ARID4B: variants seen among roughly 807,000 people sequenced by gnomAD.
ARID4B encodes AT-rich interactive domain-containing protein 4B.
In ARID4B, 26 loss-of-function variants were observed where a neutral mutation model predicts 147.5. The ratio of observed to expected loss-of-function variants is 0.18; its 90% CI spans 0.13 to 0.24. The LOEUF (loss-of-function observed/expected upper bound fraction) is 0.24. Ranked by LOEUF, ARID4B falls within the 10% of genes least tolerant of loss-of-function variation. The probability of loss-of-function intolerance (pLI) is 1.00; values close to 1 mark genes in which losing one functional copy is unlikely to be tolerated. For synonymous variants in ARID4B, 512 were observed against 507.9 expected (o/e 1.01, Z -0.11); for missense variants, 1,179 against 1,511.5 (o/e 0.78, Z 3.65).
At chr1:235,262,530 G>A (rs1265083317) in intron 2 of ARID4B, among the ~76,000 whole-genome samples, 1 of 152,020 alleles carries the variant, frequency 6.6e-6, no homozygotes, top group Admixed American at 6.5e-5. Flanking sequence ...TGTACCTAGT[G>A]AATAAATGCA....
intron 2 of ARID4B, 28 bp downstream of exon 2, chr1:235,326,886 G>C (rs1675311049): frequency 6.2e-7 from 1 of 1,613,674 alleles, no homozygotes; most frequent in Non-Finnish European, 8.5e-7. Context: ...GATAACCCCA[G>C]AGATTCGTTT....
At chr1:235,327,355 G>T (rs1006775060) in intron 1 of ARID4B, 2 of 152,970 alleles carry the variant, frequency 1.3e-5, no homozygotes, top group African/African-American at 4.8e-5. Context: ...GCGAGAGGCC[G>T]GCCGGGGGCC....
rs199731702 is a variant in ARID4B, at chr1:235,310,154, A to G, written c.6+16760T>C. On this transcript the variant is annotated intron_variant, in intron 2 of 23. Transcript: ENST00000264183. ...ACCCTGCCAAATCCCCCTCTGTGAGAAACACCCAAGAATGATCAATAAAAA... is the reference window on the plus strand; with the variant it reads ...ACCCTGCCAAATCCCCCTCTGTGAGGAACACCCAAGAATGATCAATAAAAA... Among the ~76,000 whole-genome samples the G allele has an allele frequency of 1.8e-4, 28 of 152,166 alleles. No individual in the cohort carries two copies. The East Asian group carries it at 5.0e-3, about 27-fold the overall frequency.
At chr1:235,233,606 A>G (rs529327255) in intron 9 of ARID4B, among the ~76,000 whole-genome samples, 135 of 152,342 alleles carry the variant, frequency 8.9e-4, no homozygotes, top group African/African-American at 2.9e-3. Context: ...AAGAAAAATT[A>G]ACAAATCATT....
At chr1:235,170,504 C>A (rs1663261436) in intron 23 of ARID4B, among the ~76,000 whole-genome samples, 1 of 151,806 alleles carries the variant, frequency 6.6e-6, no homozygotes, top group African/African-American at 2.4e-5. Context: ...TTTGGGAGGA[C>A]TAGGTGGGCG....
chr1:235,237,385 A>G (rs1668675840), intron 8 of ARID4B, among the ~76,000 whole-genome samples: 1 of 152,210 alleles, frequency 6.6e-6, no homozygotes, highest in Admixed American at 6.5e-5. Context: ...CCTTGTACAT[A>G]TAGGTATCCA....
chr1:235,279,570 T>G (rs565977588), intron 2 of ARID4B, among the ~76,000 whole-genome samples: 9 of 152,214 alleles, frequency 5.9e-5, no homozygotes, highest in Non-Finnish European at 1.3e-4. Flanking sequence ...AAAGAATTAG[T>G]AAATAAAAAG....
chr1:235,313,193 C>A (rs566670289), intron 2 of ARID4B, among the ~76,000 whole-genome samples: 140 of 152,138 alleles, frequency 9.2e-4, no homozygotes, highest in African/African-American at 3.0e-3. Context: ...CCATGCCTGG[C>A]TAATTTTTAT....
chr1:235,321,965 C>T (rs910423035), intron 2 of ARID4B, among the ~76,000 whole-genome samples: 11 of 152,138 alleles, frequency 7.2e-5, no homozygotes, highest in African/African-American at 2.7e-4. Flanking sequence ...CTCACCGCAA[C>T]CTCCAGCTCC....
At chr1:235,222,479 C>G (rs910259122) in intron 13 of ARID4B, among the ~76,000 whole-genome samples, 1 of 151,812 alleles carries the variant, frequency 6.6e-6, no homozygotes, top group Non-Finnish European at 1.5e-5. Context: ...TGCTTTAATC[C>G]CTTTATATTC....
chr1:235,308,598 C>G (rs1373796522), intron 2 of ARID4B, among the ~76,000 whole-genome samples: 1 of 152,132 alleles, frequency 6.6e-6, no homozygotes, highest in African/African-American at 2.4e-5. Context: ...CCTCAGCCTG[C>G]CGAGTGCCCG....
chr1:235,196,893 C>CAT (rs1380365796), intron 17 of ARID4B, among the ~76,000 whole-genome samples: 2 of 146,548 alleles, frequency 1.4e-5, no homozygotes, highest in Non-Finnish European at 3.0e-5. Context: ...AGAAAAGCAC[C>CAT]ATATTGTAAC....
rs777093040 is a variant in ARID4B, at chr1:235,240,374, T to C, written c.524A>G (p.Lys175Arg). ...DRKQIDELLG[K>R]VVCVDYISLD... ...ACTAATGTAATCTACACATACAACT[T>C]TGCCTAGTAGCTCATCAATCTGTTT... The change falls in exon 8 of 24, where the codon AAA becomes AGA. Residue 175 changes from lysine to arginine, a missense_variant. Around this residue, in one of 10 missense-constraint regions of ARID4B, gnomAD observed 159 missense variants for 190.5 expected, o/e 0.83. Coordinates refer to ENST00000264183, the MANE Select transcript of ARID4B (RefSeq NM_016374.6). The C allele has an allele frequency of 6.2e-7, 1 of 1,613,572 alleles. No individual in the cohort carries two copies.
chr1:235,271,333 G>C (rs11485012), intron 2 of ARID4B, among the ~76,000 whole-genome samples: 6,056 of 151,434 alleles, frequency 0.04, 452 homozygotes, highest in African/African-American at 0.14. Context: ...GGATGACCAA[G>C]CTAAAAAAAT....
chr1:235,315,078 TA>T lies in ARID4B; in HGVS notation c.6+11835del, dbSNP rs142218866. On this transcript the variant is annotated intron_variant, in intron 2 of 23. Transcript: ENST00000264183. ...TGTCACATTGCCAAAAATTTATCTA[TA>T]AACTAGAGAAAAATGGCTTAAATGA... 6.3e-3 allele frequency among the ~76,000 whole-genome samples: 952 copies of T among 152,256 alleles called. 15 individuals carry two copies. Among genetic ancestry groups the T allele is most frequent in the African/African-American group, 0.022 (912 of 41,552 alleles).
intron 17 of ARID4B, among the ~76,000 whole-genome samples, chr1:235,208,848 T>C (rs542700224): frequency 1.3e-5 from 2 of 152,334 alleles, no homozygotes; most frequent in Non-Finnish European, 2.9e-5. Flanking sequence ...TCTACTTTTA[T>C]GTATTTTTCT....
chr1:235,284,627 A>G (rs937001933), intron 2 of ARID4B, among the ~76,000 whole-genome samples: 1 of 152,234 alleles, frequency 6.6e-6, no homozygotes, highest in African/African-American at 2.4e-5. Context: ...GTTCCAGAAC[A>G]GCCTATGCAA....
chr1:235,206,206 A>C (rs904645149), intron 17 of ARID4B, among the ~76,000 whole-genome samples: 4 of 152,222 alleles, frequency 2.6e-5, no homozygotes, highest in African/African-American at 9.6e-5. Context: ...TTAGGAGAAT[A>C]GATATGAAAC....
intron 23 of ARID4B, among the ~76,000 whole-genome samples, chr1:235,170,919 A>AC (rs1663299733): frequency 1.3e-5 from 2 of 150,718 alleles, no homozygotes; most frequent in African/African-American, 4.9e-5. Flanking sequence ...TCAAAAAAAA[A>AC]AAAAAAAAAA....
Sources: allele counts gnomAD v4.1 joint callset (sites outside exome capture counted in the v4.1 genomes callset), GRCh38; gene constraint gnomAD v4.1.1; regional missense constraint gnomAD v4.1.1; transcripts MANE v1.5; gene names NCBI Gene and HGNC (gene_info 2026-07-23, HGNC 2026-07-21).